The following PGAP4 variants were observed in gnomAD, a reference collection of about 807,000 sequenced individuals.
PGAP4 encodes post-GPI attachment to proteins GalNAc transferase 4, also known as GPI-N-acetylgalactosamine transferase PGAP4.
A neutral mutation model predicts 28.2 loss-of-function variants in PGAP4; 12 were observed. That is an observed-to-expected ratio of 0.42 (90% CI 0.27 to 0.69). The LOEUF (loss-of-function observed/expected upper bound fraction) is 0.69. Among genes scored for constraint, PGAP4 ranks in the 30% least tolerant of loss-of-function variants. The probability of loss-of-function intolerance (pLI) is 0.22; values close to 1 mark genes in which losing one functional copy is unlikely to be tolerated. For missense variants in PGAP4, 425 were observed against 513.5 expected (o/e 0.83, Z 1.67); for synonymous variants, 205 against 211.8 (o/e 0.97, Z 0.28).
intron 1 of PGAP4, among the ~76,000 whole-genome samples, chr9:101,477,958 T>C (rs1488553296): frequency 6.6e-6 from 1 of 152,084 alleles, no homozygotes; most frequent in Non-Finnish European, 1.5e-5. Context: ...GAAGAGACAG[T>C]TGCCCTCAGT....
intron 2 of PGAP4, among the ~76,000 whole-genome samples, chr9:101,513,678 A>T (rs1826917957): frequency 6.8e-6 from 1 of 148,056 alleles, no homozygotes; most frequent in African/African-American, 2.5e-5. Context: ...GGATGGATGG[A>T]CAGATAGGTA....
At chr9:101,491,492 G>A (rs932886690), upstream of PGAP4, among the ~76,000 whole-genome samples, 1 of 151,912 alleles carries the variant, frequency 6.6e-6, no homozygotes, top group African/African-American at 2.4e-5. Flanking sequence ...CGACTGACAT[G>A]GCCATTTTGT....
intron 2 of PGAP4, among the ~76,000 whole-genome samples, chr9:101,492,778 A>G (rs1826702771): frequency 6.6e-6 from 1 of 151,998 alleles, no homozygotes; most frequent in African/African-American, 2.4e-5. Context: ...TCATTAGTCA[A>G]GCATTTGGGG....
At chr9:101,496,791 A>G (rs1428498110) in intron 2 of PGAP4, among the ~76,000 whole-genome samples, 2 of 150,894 alleles carry the variant, frequency 1.3e-5, no homozygotes, top group Non-Finnish European at 3.0e-5. Context: ...TATTTTTACC[A>G]AGAATACATT....
intron 1 of PGAP4, among the ~76,000 whole-genome samples, chr9:101,478,984 G>A (rs1826405406): frequency 6.6e-6 from 1 of 152,208 alleles, no homozygotes; most frequent in Admixed American, 6.5e-5. Context: ...AGAGAAACAA[G>A]TTTCATTTCA....
At chr9:101,516,591 T>C (rs7040320) in intron 2 of PGAP4, among the ~76,000 whole-genome samples, 73,391 of 151,990 alleles carry the variant, frequency 0.48, 17,921 homozygotes, top group East Asian at 0.67. Flanking sequence ...GCAATTTAAA[T>C]TAAAATATGT....
At chr9:101,504,831 T>C (rs1028078966) in intron 2 of PGAP4, among the ~76,000 whole-genome samples, 2 of 152,068 alleles carry the variant, frequency 1.3e-5, no homozygotes, top group African/African-American at 4.8e-5. Context: ...ACTGGCTAAG[T>C]TGGTCAAGGG....
At chr9:101,527,390 C>T (rs1827044796) in intron 2 of PGAP4, among the ~76,000 whole-genome samples, 1 of 152,116 alleles carries the variant, frequency 6.6e-6, no homozygotes, top group Admixed American at 6.5e-5. Context: ...CTTTGGGCAC[C>T]AGAAATTCAT....
chr9:101,513,301 A>G (rs1011992417), intron 2 of PGAP4, among the ~76,000 whole-genome samples: 13 of 152,168 alleles, frequency 8.5e-5, no homozygotes, highest in African/African-American at 3.1e-4. Context: ...CCCTCTAACC[A>G]TCACCTAATC....
chr9:101,510,708 T>C (rs1353185173), intron 2 of PGAP4, among the ~76,000 whole-genome samples: 1 of 152,166 alleles, frequency 6.6e-6, no homozygotes, highest in Non-Finnish European at 1.5e-5. Context: ...ATGGTTAGCA[T>C]GTGGGCTTAC....
chr9:101,484,965 A>G (rs918475691), intron 1 of PGAP4, among the ~76,000 whole-genome samples: 6 of 152,210 alleles, frequency 3.9e-5, no homozygotes, highest in Non-Finnish European at 7.3e-5. Flanking sequence ...TGCAAAGATC[A>G]TTACTTTTAT....
At chr9:101,527,986 G>T (rs551837938) in intron 2 of PGAP4, among the ~76,000 whole-genome samples, 2 of 152,268 alleles carry the variant, frequency 1.3e-5, no homozygotes, top group African/African-American at 4.8e-5. Flanking sequence ...GGGTAAGTTA[G>T]GGTGTGCCTG....
chr9:101,489,950 C>T (rs1042676036), upstream of PGAP4, among the ~76,000 whole-genome samples: 1 of 152,134 alleles, frequency 6.6e-6, no homozygotes, highest in African/African-American at 2.4e-5. Flanking sequence ...TTAATCGTTA[C>T]TATTACCCTT....
chr9:101,503,288 C>T (rs1400189268), intron 2 of PGAP4, among the ~76,000 whole-genome samples: 1 of 151,968 alleles, frequency 6.6e-6, no homozygotes, highest in Admixed American at 6.6e-5. Flanking sequence ...TCCTTGGTCA[C>T]CATGGAGCCT....
chr9:101,504,209 G>GTTT (rs3081858), intron 2 of PGAP4, among the ~76,000 whole-genome samples: 12 of 22,714 alleles, frequency 5.3e-4, no homozygotes, highest in Admixed American at 9.0e-4. Context: ...GTGTGTGTTT[G>GTTT]TTTTTTTTTT....
chr9:101,494,228 C>A (rs992610391), intron 2 of PGAP4, among the ~76,000 whole-genome samples: 1 of 151,154 alleles, frequency 6.6e-6, no homozygotes, highest in African/African-American at 2.4e-5. Flanking sequence ...GTTAATATAA[C>A]CAAAGTTTTA....
upstream of PGAP4, among the ~76,000 whole-genome samples, chr9:101,489,800 T>G (rs1201499703): frequency 6.6e-6 from 1 of 152,206 alleles, no homozygotes; most frequent in East Asian, 1.9e-4. Flanking sequence ...CAGTAAAGTC[T>G]TCTTACTCTG....
chr9:101,487,400 T>G (rs938288860), upstream of PGAP4, among the ~76,000 whole-genome samples: 1 of 152,272 alleles, frequency 6.6e-6, no homozygotes, highest in Non-Finnish European at 1.5e-5. Context: ...ATGAGAAAGC[T>G]GTTACTTTGG....
intron 2 of PGAP4, among the ~76,000 whole-genome samples, chr9:101,497,173 T>G (rs1402782979): frequency 6.6e-6 from 1 of 151,288 alleles, no homozygotes; most frequent in Non-Finnish European, 1.5e-5. Flanking sequence ...ATTATTTAAT[T>G]TAACAGAACT....
Sources: gnomAD v4.1 joint callset for allele counts (sites outside exome capture counted in the v4.1 genomes callset) on GRCh38, gnomAD v4.1.1 for gene constraint, MANE v1.5 for transcripts, NCBI Gene and HGNC (gene_info 2026-07-23, HGNC 2026-07-21) for gene names.